Variants in DPF3 observed in about 807,000 individuals in gnomAD.
DPF3 encodes zinc finger protein DPF3.
In DPF3, 18 loss-of-function variants were observed where a neutral mutation model predicts 56.8. The ratio of observed to expected loss-of-function variants is 0.32; its 90% CI spans 0.22 to 0.47. The LOEUF (loss-of-function observed/expected upper bound fraction) is 0.47, where lower values mean the gene tolerates loss of function less well. Ranked by LOEUF, DPF3 falls within the 20% of genes least tolerant of loss-of-function variation. The pLI is 1.00. For missense variants in DPF3, 403 were observed against 488.8 expected, an observed-to-expected ratio of 0.82 and a Z score of 1.65; for synonymous variants, 188 against 180.2, an observed-to-expected ratio of 1.04 and a Z score of -0.35.
chr14:72,647,182 G>A (rs1318966571), intron 8 of DPF3, among the ~76,000 whole-genome samples: 1 of 152,186 alleles, frequency 6.6e-6, no homozygotes, highest in Non-Finnish European at 1.5e-5. Context: ...GCTTTGTTAA[G>A]CTGGAAAACT....
intron 3 of DPF3, among the ~76,000 whole-genome samples, chr14:72,733,478 T>C (rs1599393652): frequency 1.3e-5 from 2 of 152,110 alleles, no homozygotes; most frequent in East Asian, 3.9e-4. Context: ...GGAGAGTGCT[T>C]GCAAGAACCT....
intron 1 of DPF3, among the ~76,000 whole-genome samples, chr14:72,838,721 C>A (rs1884407540): frequency 6.7e-6 from 1 of 148,580 alleles, no homozygotes; most frequent in Admixed American, 6.8e-5. Context: ...CACACCACTG[C>A]ACTTCATCCT....
intron 6 of DPF3, among the ~76,000 whole-genome samples, chr14:72,711,754 T>G (rs1378863469): frequency 6.6e-6 from 1 of 151,660 alleles, no homozygotes; most frequent in Non-Finnish European, 1.5e-5. Flanking sequence ...GGAGAGAAAA[T>G]CTTCAGCTCC....
At chr14:72,714,716 C>G (rs1276796780) in intron 5 of DPF3, among the ~76,000 whole-genome samples, 1 of 152,180 alleles carries the variant, frequency 6.6e-6, no homozygotes, top group African/African-American at 2.4e-5. Context: ...TAAATGTTCA[C>G]AACTCCAAGA....
In DPF3 at chr14:72,635,990, C is replaced by T. The variant is rs541393745; in HGVS notation, c.872-6254G>A. Reference sequence around the variant, plus strand: ...ATAAACATCTAATTATACTTTATTACCTTATTTATCAATGTTGATCTCTTA... The same window carrying T: ...ATAAACATCTAATTATACTTTATTATCTTATTTATCAATGTTGATCTCTTA... On this transcript the variant is annotated intron_variant, in intron 8 of 10. Transcript: ENST00000556509. 9.2e-5 allele frequency among the ~76,000 whole-genome samples: 14 copies of T among 152,238 alleles called. No individual in the cohort carries two copies. In the South Asian group the frequency reaches 2.3e-3, roughly 25 times the overall value.
intron 1 of DPF3, among the ~76,000 whole-genome samples, chr14:72,828,282 A>G (rs1374805349): frequency 6.6e-6 from 1 of 152,186 alleles, no homozygotes; most frequent in Non-Finnish European, 1.5e-5. Context: ...CCTGCCTTCA[A>G]CAGGTTCATA....
At position 72,617,322 on chromosome 14, in the gene DPF3, AC is replaced by A. The variant is rs1055216680; in HGVS notation, c.*1974del. Among the ~76,000 whole-genome samples the A allele has an allele frequency of 6.6e-5, 10 of 152,168 alleles. No homozygotes were observed. The highest frequency in any genetic ancestry group is 1.7e-4 in the African/African-American group (7 of 41,452). On this transcript the variant is annotated 3_prime_UTR_variant, in exon 11 of 11. Coordinates refer to ENST00000556509, the MANE Select transcript of DPF3 (RefSeq NM_001280542.3). The stretch of plus-strand genomic sequence containing the variant: ...AATTTAAATTAAAATGACGCTCAAA[AC>A]CAATTATTAGCCTTTGGAGACAGCC...
chr14:72,791,580 T>C (rs1892434049), intron 1 of DPF3, among the ~76,000 whole-genome samples: 1 of 152,066 alleles, frequency 6.6e-6, no homozygotes, highest in Non-Finnish European at 1.5e-5. Flanking sequence ...CTGTGCGGGG[T>C]GTTAAGGGAC....
intron 6 of DPF3, among the ~76,000 whole-genome samples, chr14:72,713,810 C>T (rs1476052625): frequency 6.6e-6 from 1 of 152,194 alleles, no homozygotes; most frequent in Non-Finnish European, 1.5e-5. Context: ...CCGTGGGCTC[C>T]CTAGCTCTGT....
In DPF3 at chr14:72,753,286, C is replaced by T; in HGVS notation, c.279G>A (p.Leu93=). 4 of 1,613,732 alleles carry T rather than the reference C, an allele frequency of 2.5e-6. No individual in the cohort carries two copies. Among genetic ancestry groups the T allele is most frequent in the Non-Finnish European group, 3.4e-6 (4 of 1,179,836 alleles). ...RRLHPPEDPK[L]RLLEIKPEVE... ...GACCAGGTTTTATCTCCAGCAGCCG[C>T]AGTTTTGGATCTTCAGGTGGGTGCA... The change falls in exon 3 of 11, where the codon CTG becomes CTA. Residue 93 remains leucine, a synonymous_variant. Transcript: ENST00000556509.
Position 72,615,454 on chromosome 14 carries a change from G to A in DPF3, c.*3843C>T, listed in dbSNP as rs1052100363. On this transcript the variant is annotated 3_prime_UTR_variant, in exon 11 of 11. Transcript: ENST00000556509. ...TTAAGCGGAGGGTTGAAAGGAAGCG[G>A]GCTGTATTCAAAGCACGAATACAAA... is the stretch of plus-strand genomic sequence containing the variant. Among the ~76,000 whole-genome samples, 6 of 152,182 alleles carry A rather than the reference G, an allele frequency of 3.9e-5. No homozygotes were observed. Among genetic ancestry groups the A allele is most frequent in the African/African-American group, 1.4e-4 (6 of 41,440 alleles).
At chr14:72,671,245 G>T in intron 8 of DPF3, 2 of 1,613,944 alleles carry the variant, frequency 1.2e-6, no homozygotes, top group Admixed American at 3.3e-5. Flanking sequence ...GAAAGTTGAC[G>T]TGTCACTTTC....
intron 7 of DPF3, among the ~76,000 whole-genome samples, chr14:72,686,964 T>C (rs1887439110): frequency 6.6e-6 from 1 of 152,272 alleles, no homozygotes; most frequent in Non-Finnish European, 1.5e-5. Flanking sequence ...GGACAAGAGA[T>C]GTCAGAAGAC....
chr14:72,634,937 G>A (rs1028074927), intron 8 of DPF3, among the ~76,000 whole-genome samples: 9 of 152,082 alleles, frequency 5.9e-5, no homozygotes, highest in African/African-American at 2.2e-4. Context: ...CAGCCCAGCC[G>A]GATCATTAAA....
At chr14:72,828,550 A>AAAAAAAAAC (rs1366121052) in intron 1 of DPF3, among the ~76,000 whole-genome samples, 2 of 151,330 alleles carry the variant, frequency 1.3e-5, no homozygotes, top group East Asian at 3.9e-4. Context: ...AAAAAAAAAA[A>AAAAAAAAAC]AACTTAATAT....
At chr14:72,720,357 A>T (rs12433185) in intron 5 of DPF3, among the ~76,000 whole-genome samples, 43,873 of 152,006 alleles carry the variant, frequency 0.29, 6,945 homozygotes, top group East Asian at 0.46. Flanking sequence ...AAAATAAAGC[A>T]TGGGCAAAAC....
intron 4 of DPF3, among the ~76,000 whole-genome samples, chr14:72,730,553 C>T (rs962805368): frequency 6.6e-6 from 1 of 152,110 alleles, no homozygotes; most frequent in Non-Finnish European, 1.5e-5. Context: ...GTGAGCATGA[C>T]CGCATTGGCC....
chr14:72,772,967 G>C (rs1891597861), intron 1 of DPF3, among the ~76,000 whole-genome samples: 1 of 152,064 alleles, frequency 6.6e-6, no homozygotes, highest in Non-Finnish European at 1.5e-5. Flanking sequence ...GGGCAAAAGG[G>C]AGAATCAAGT....
intron 1 of DPF3, among the ~76,000 whole-genome samples, chr14:72,838,288 G>A (rs1161030520): frequency 6.6e-6 from 1 of 152,172 alleles, no homozygotes; most frequent in Admixed American, 6.5e-5. Flanking sequence ...GAGGTCAGGA[G>A]TTCGAGACCA....
Sources: allele counts gnomAD v4.1 joint callset (sites outside exome capture counted in the v4.1 genomes callset), GRCh38; gene constraint gnomAD v4.1.1; transcripts MANE v1.5; gene names NCBI Gene and HGNC (gene_info 2026-07-23, HGNC 2026-07-21).